Variants in SGIP1 observed in about 807,000 individuals in gnomAD.
SGIP1 encodes SH3GL interacting endocytic adaptor 1.
SGIP1 carries 38 observed loss-of-function variants against 107.5 expected under a neutral mutation model. The ratio of observed to expected loss-of-function variants is 0.35; its 90% confidence interval spans 0.27 to 0.46. The LOEUF (loss-of-function observed/expected upper bound fraction) is 0.46, where lower values mean the gene tolerates loss of function less well. SGIP1 is among the 20% of genes least tolerant of loss of function. SGIP1 has a pLI of 1.00. For missense variants in SGIP1, 929 were observed against 1,019.5 expected (o/e 0.91, Z 1.21); for synonymous variants, 365 against 366.1 (o/e 1.00, Z 0.03).
chr1:66,560,029 G>A (rs2058708568), intron 1 of SGIP1, among the ~76,000 whole-genome samples: 1 of 151,986 alleles, frequency 6.6e-6, no homozygotes, highest in Non-Finnish European at 1.5e-5. Flanking sequence ...CATAGTGTAT[G>A]TGTCTACTCA....
At chr1:66,648,608 T>C (rs950981199) in intron 7 of SGIP1, among the ~76,000 whole-genome samples, 1 of 152,114 alleles carries the variant, frequency 6.6e-6, no homozygotes, top group Non-Finnish European at 1.5e-5. Flanking sequence ...ACCTGGGGTG[T>C]CTATGGCATT....
rs1276052411 is a variant in SGIP1 at position 66,741,320 on chromosome 1, A to G, written c.2348A>G (p.Lys783Arg). 2 of 1,606,478 alleles carry G rather than the reference A, an allele frequency of 1.2e-6. No homozygotes were observed. Among genetic ancestry groups the G allele is most frequent in the Non-Finnish European group, 1.7e-6 (2 of 1,176,580 alleles). Reference protein sequence around the residue: ...ARFQLSEGPSKPSPLVVQFTS... With the variant: ...ARFQLSEGPSRPSPLVVQFTS... ...TTTCAGTTATCTGAAGGCCCAAGCA[A>G]ACCTTCTCCATTGGTTGTGCAGTTC... Residue 783 changes from lysine (K) to arginine (R), a missense_variant, in exon 24 of 25, where the codon AAA becomes AGA. Coordinates refer to ENST00000371037, the MANE Select transcript of SGIP1 (RefSeq NM_032291.4).
chr1:66,642,729 A>G, intron 5 of SGIP1, 81 bp from the exon 6 acceptor site: 1 of 1,226,264 alleles, frequency 8.2e-7, no homozygotes, highest in Non-Finnish European at 1.1e-6. Context: ...CTATATCCTT[A>G]AATAGAAGAC....
chr1:66,720,718 CCT>C (rs1438115056), intron 19 of SGIP1, among the ~76,000 whole-genome samples: 1 of 151,878 alleles, frequency 6.6e-6, no homozygotes, highest in Non-Finnish European at 1.5e-5. Flanking sequence ...AGAGCAAGAC[CCT>C]GTTTCAGAAA....
rs2094548959 is a variant in SGIP1 at position 66,746,079 on chromosome 1, T to G, written c.*2984T>G. 6.6e-6 allele frequency: 1 copy of G among 152,162 alleles called. No homozygotes were observed. The highest frequency in any genetic ancestry group is 1.5e-5 in the Non-Finnish European group (1 of 67,990). 9.4% of individuals were successfully genotyped at this position (152,162 alleles called of 1,614,324 possible). ...ATCCCTCAGTCAAACTACAGAATTT[T>G]TTTTGTTTTATATATTCTTAGTCAG... On this transcript the variant is annotated 3_prime_UTR_variant, in exon 25 of 25. Coordinates refer to ENST00000371037, the MANE Select transcript of SGIP1 (RefSeq NM_032291.4).
intron 14 of SGIP1, among the ~76,000 whole-genome samples, chr1:66,680,037 A>C (rs2086326247): frequency 6.6e-6 from 1 of 152,264 alleles, no homozygotes; most frequent in African/African-American, 2.4e-5. Flanking sequence ...TCTCAATATG[A>C]AAATTCATTG....
chr1:66,679,408 G>A (rs2086154827), intron 13 of SGIP1, among the ~76,000 whole-genome samples: 2 of 152,134 alleles, frequency 1.3e-5, no homozygotes, highest in South Asian at 2.1e-4. Context: ...AGGTTTGTGT[G>A]TTGAATCATA....
chr1:66,741,773 T>A (rs918755883), intron 24 of SGIP1, among the ~76,000 whole-genome samples: 1 of 149,796 alleles, frequency 6.7e-6, no homozygotes, highest in African/African-American at 2.4e-5. Flanking sequence ...TTTTATTTAT[T>A]TTTTTTTTTG....
Position 66,660,136 on chromosome 1 carries a change from GAAAGAA to G in SGIP1, c.460-376_460-371del, listed in dbSNP as rs764984011. 2.1e-3 allele frequency: 89 copies of G among 41,418 alleles called. 2 individuals are homozygous for G. The African/African-American group carries it at 0.022, about 10-fold the overall frequency. 2.6% of individuals were successfully genotyped at this position (41,418 alleles called of 1,614,324 possible). ...GGAAGGAAGGAAAGAAAGAAAGAAA[GAAAGAA>G]GAGAGAAAGAAAGAAAGAAAGAAAG... On this transcript the variant is annotated intron_variant, in intron 7 of 24. Transcript: ENST00000371037.
intron 18 of SGIP1, among the ~76,000 whole-genome samples, chr1:66,702,454 G>A (rs1396084459): frequency 6.6e-6 from 1 of 152,062 alleles, no homozygotes; most frequent in Non-Finnish European, 1.5e-5. Context: ...TACCCACCTG[G>A]CAGGATAATT....
chr1:66,686,550 C>T (rs2088335272), intron 15 of SGIP1, among the ~76,000 whole-genome samples: 1 of 152,166 alleles, frequency 6.6e-6, no homozygotes, highest in South Asian at 2.1e-4. Flanking sequence ...CATCTACACT[C>T]TTAAAATGTG....
At chr1:66,702,637 T>C (rs374994154) in intron 18 of SGIP1, among the ~76,000 whole-genome samples, 4 of 152,194 alleles carry the variant, frequency 2.6e-5, no homozygotes, top group African/African-American at 9.6e-5. Flanking sequence ...AACTTCCTGG[T>C]CTCTAAAGTG....
chr1:66,608,585 C>G (rs2067300749), intron 1 of SGIP1, among the ~76,000 whole-genome samples: 1 of 152,186 alleles, frequency 6.6e-6, no homozygotes, highest in Non-Finnish European at 1.5e-5. Context: ...CTGCTTCGGG[C>G]TGCTGGCCTA....
intron 15 of SGIP1, among the ~76,000 whole-genome samples, chr1:66,685,277 A>G (rs944446710): frequency 6.6e-6 from 1 of 152,274 alleles, no homozygotes; most frequent in African/African-American, 2.4e-5. Context: ...AAGTATAGAC[A>G]GTACTGATAA....
At chr1:66,592,465 C>A (rs1490201000) in intron 1 of SGIP1, among the ~76,000 whole-genome samples, 1 of 152,238 alleles carries the variant, frequency 6.6e-6, no homozygotes, top group Non-Finnish European at 1.5e-5. Flanking sequence ...AGAAGAATTT[C>A]TCTTAGTACA....
chr1:66,667,188 C>A (rs1571525618), intron 8 of SGIP1, among the ~76,000 whole-genome samples: 1 of 152,038 alleles, frequency 6.6e-6, no homozygotes, highest in Non-Finnish European at 1.5e-5. Flanking sequence ...TACCCCCCCC[C>A]AAACTATCTG....
At chr1:66,630,819 GAAAGAAAGAA>G (rs2074142605) in intron 2 of SGIP1, among the ~76,000 whole-genome samples, 1 of 3,590 alleles carries the variant, frequency 2.8e-4, no homozygotes, top group Non-Finnish European at 4.1e-4. Flanking sequence ...AAGAAAGAAA[GAAAGAAAGAA>G]AGAAAGAAAG....
chr1:66,536,842 C>T (rs956149569), intron 1 of SGIP1, among the ~76,000 whole-genome samples: 1 of 152,194 alleles, frequency 6.6e-6, no homozygotes, highest in Non-Finnish European at 1.5e-5. Flanking sequence ...ACTCGTGTGG[C>T]TGTACATTTC....
chr1:66,539,422 T>C (rs2054370081), intron 1 of SGIP1, among the ~76,000 whole-genome samples: 2 of 152,170 alleles, frequency 1.3e-5, no homozygotes. Flanking sequence ...GCCTCTATTC[T>C]TGGAACTTGT....
Sources: allele counts gnomAD v4.1 joint callset (sites outside exome capture counted in the v4.1 genomes callset), GRCh38; gene constraint gnomAD v4.1.1; transcripts MANE v1.5; gene names NCBI Gene and HGNC (gene_info 2026-07-23, HGNC 2026-07-21).